KCNJ13: variants seen among roughly 807,000 people sequenced by gnomAD.
KCNJ13 encodes the protein inward rectifier potassium channel 13.
KCNJ13 carries 9 observed loss-of-function variants against 24.6 expected under a neutral mutation model. That is an observed-to-expected ratio of 0.37 (90% CI 0.22 to 0.64). The LOEUF (loss-of-function observed/expected upper bound fraction) is 0.64, where lower values mean the gene tolerates loss of function less well. Ranked by LOEUF, KCNJ13 falls within the 30% of genes least tolerant of loss-of-function variation. The pLI is 0.64. For missense variants in KCNJ13, 337 were observed against 443.8 expected, an observed-to-expected ratio of 0.76 and a Z score of 2.16; for synonymous variants, 148 against 154.7, an observed-to-expected ratio of 0.96 and a Z score of 0.32.
chr2:232,776,523 ATTT>A lies in KCNJ13; in HGVS notation c.-98_-96del. The A allele has an allele frequency of 9.5e-7, 1 of 1,055,628 alleles. No homozygotes were observed. Among genetic ancestry groups the A allele is most frequent in the Non-Finnish European group, 1.5e-6 (1 of 685,792 alleles). The allele number at this position is 1,055,628 out of a possible 1,614,324, so 65.4% of individuals were successfully genotyped here. On this transcript the variant is annotated 5_prime_UTR_variant, in exon 1 of 3. Transcript: ENST00000233826. ...CAGAGTCTGCCTTTTTGATCAGATA[ATTT>A]TAATCTACAAGTCTAGTTTGTAGGT...
At chr2:232,773,189 T>C (rs1189508713) in intron 1 of KCNJ13, among the ~76,000 whole-genome samples, 1 of 152,234 alleles carries the variant, frequency 6.6e-6, no homozygotes. Context: ...TTTCTTGGCA[T>C]AGCTACTTAA....
Position 232,776,539 on chromosome 2 carries a change from C to T in KCNJ13, c.-111G>A, listed in dbSNP as rs1699522623. The T allele has an allele frequency of 9.7e-6, 9 of 927,296 alleles. No homozygotes were observed. Among genetic ancestry groups the T allele is most frequent in the Admixed American group, 5.9e-5 (3 of 51,002 alleles). 57.4% of individuals were successfully genotyped at this position (927,296 alleles called of 1,614,324 possible). A position where few individuals can be genotyped will look rare whatever the true frequency, so the allele number is the denominator to read the frequency against. ...GATCAGATAATTTTAATCTACAAGTCTAGTTTGTAGGTTCTCTTCTTGGAC... is the reference window on the plus strand; with the variant it reads ...GATCAGATAATTTTAATCTACAAGTTTAGTTTGTAGGTTCTCTTCTTGGAC... On this transcript the variant is annotated 5_prime_UTR_variant, in exon 1 of 3. Coordinates refer to ENST00000233826, the MANE Select transcript of KCNJ13 (RefSeq NM_002242.4).
At chr2:232,775,850 C>T (rs1699489965) in intron 1 of KCNJ13, among the ~76,000 whole-genome samples, 1 of 152,140 alleles carries the variant, frequency 6.6e-6, no homozygotes, top group African/African-American at 2.4e-5. Context: ...TACTTTAAGA[C>T]TATATTGAAA....
chr2:232,771,961 A>T (rs1699274711), intron 1 of KCNJ13, among the ~76,000 whole-genome samples: 1 of 152,134 alleles, frequency 6.6e-6, no homozygotes, highest in Admixed American at 6.6e-5. Context: ...TATGCTTTAT[A>T]ATTAGCCTAT....
chr2:232,772,285 T>C (rs1280354639), intron 1 of KCNJ13, among the ~76,000 whole-genome samples: 5 of 152,134 alleles, frequency 3.3e-5, no homozygotes, highest in Admixed American at 1.3e-4. Context: ...ATTCTTTCTG[T>C]CCTGGATGAT....
intron 1 of KCNJ13, among the ~76,000 whole-genome samples, chr2:232,773,269 A>G (rs537297749): frequency 1.3e-5 from 2 of 152,324 alleles, no homozygotes; most frequent in African/African-American, 4.8e-5. Context: ...GGAAACAACA[A>G]AATCTTCATA....
At position 232,768,549 on chromosome 2, in the gene KCNJ13, G is replaced by A. The variant is rs776500156; in HGVS notation, c.725C>T (p.Thr242Met). ...TGATGGTGTAATGGAGTGATAGTAC[G>A]TTAGTGGAAAGATGAAGAATGGACA... ...DECPFFIFPL[T>M]YYHSITPSSP... Residue 242 changes from threonine to methionine, a missense_variant, in exon 3 of 3, where the codon ACG becomes ATG. Around this residue, in one of 3 missense-constraint regions of KCNJ13, gnomAD observed 235 missense variants for 286.9 expected, o/e 0.82. Transcript: ENST00000233826. 8.7e-6 allele frequency: 14 copies of A among 1,614,022 alleles called. No individual in the cohort carries two copies. Among genetic ancestry groups the A allele is most frequent in the East Asian group, 2.2e-5 (1 of 44,886 alleles).
At chr2:232,771,702 G>A (rs760412280) in intron 1 of KCNJ13, among the ~76,000 whole-genome samples, 17 of 152,158 alleles carry the variant, frequency 1.1e-4, no homozygotes, top group African/African-American at 2.4e-4. Context: ...GCACAAGTCC[G>A]GGTGTCAAGC....
intron 1 of KCNJ13, among the ~76,000 whole-genome samples, chr2:232,772,793 T>C (rs1387122354): frequency 2.0e-5 from 3 of 152,200 alleles, no homozygotes; most frequent in Admixed American, 6.5e-5. Flanking sequence ...GCATACCCAC[T>C]TCCTGCCTTT....
chr2:232,769,280 C>T (rs35428351), intron 2 of KCNJ13, among the ~76,000 whole-genome samples: 24,220 of 151,978 alleles, frequency 0.16, 2,045 homozygotes, highest in South Asian at 0.3. Flanking sequence ...CCTGTAATCC[C>T]GGCACTTTGG....
rs183766886 is a variant in KCNJ13 at position 232,771,094 on chromosome 2, T to C, written c.269A>G (p.Asp90Gly). 8.1e-6 allele frequency: 13 copies of C among 1,614,098 alleles called. No individual in the cohort carries two copies. Among genetic ancestry groups the C allele is most frequent in the Middle Eastern group, 1.6e-4 (1 of 6,062 alleles). ...EMNGDLELDH[D>G]APPENHTICV... ...GATAGTGTGGTTTTCAGGTGGGGCA[T>C]CATGATCTAGTTCCAGATCACCATT... Residue 90 changes from aspartate to glycine, a missense_variant, in exon 2 of 3, where the codon GAT becomes GGT. By Grantham distance (94) the Asp-to-Gly change is moderately conservative. Transcript: ENST00000233826.
At chr2:232,771,769 T>A (rs1699258975) in intron 1 of KCNJ13, among the ~76,000 whole-genome samples, 1 of 152,242 alleles carries the variant, frequency 6.6e-6, no homozygotes, top group South Asian at 2.1e-4. Context: ...AGTTAATTTA[T>A]AATTATGCAT....
chr2:232,772,380 C>T (rs1699303091), intron 1 of KCNJ13, among the ~76,000 whole-genome samples: 2 of 152,028 alleles, frequency 1.3e-5, no homozygotes, highest in African/African-American at 4.8e-5. Context: ...TAAGAAATTC[C>T]AGGAAGACAT....
chr2:232,770,728 A>T (rs113733422), intron 2 of KCNJ13, among the ~76,000 whole-genome samples, 175 bp downstream of exon 2: 78 of 151,048 alleles, frequency 5.2e-4, no homozygotes, highest in African/African-American at 1.7e-3. Context: ...CATTTCTCCT[A>T]TTTTTTTTGG....
In KCNJ13 at chr2:232,767,205, T is replaced by C. The variant is rs980971006; in HGVS notation, c.*986A>G. The C allele has an allele frequency of 1.3e-5, 2 of 152,208 alleles. No individual in the cohort carries two copies. The highest frequency in any genetic ancestry group is 2.9e-5 in the Non-Finnish European group (2 of 68,028). 9.4% of individuals were successfully genotyped at this position (152,208 alleles called of 1,614,324 possible). A position where few individuals can be genotyped will look rare whatever the true frequency, so the allele number is the denominator to read the frequency against. ...TGAAGTTGGAAACAGGAATTTGAGT[T>C]TGAAAATGCTTTGTTGCCTAATTAT... On this transcript the variant is annotated 3_prime_UTR_variant, in exon 3 of 3. Transcript: ENST00000233826.
intron 2 of KCNJ13, among the ~76,000 whole-genome samples, 179 bp from the exon 3 acceptor site, chr2:232,768,992 G>T (rs1699103183): frequency 1.3e-5 from 2 of 152,154 alleles, no homozygotes; most frequent in South Asian, 2.1e-4. Flanking sequence ...ATTTTTCAAA[G>T]TACATTTCTG....
rs140943145 is a variant in KCNJ13 at position 232,773,424 on chromosome 2, A to C, written c.-16-2046T>G. The stretch of plus-strand genomic sequence containing the variant: ...TACACAAGGCAAATAGGAGCTTTGG[A>C]TTATTTGGATGGTTATTCAAGTCTA... On this transcript the variant is annotated intron_variant, in intron 1 of 2. Coordinates refer to ENST00000233826, the MANE Select transcript of KCNJ13 (RefSeq NM_002242.4). Among the ~76,000 whole-genome samples the C allele has an allele frequency of 5.1e-3, 782 of 152,226 alleles. 12 individuals are homozygous for C. The highest frequency in any genetic ancestry group is 0.018 in the African/African-American group (761 of 41,548).
intron 1 of KCNJ13, among the ~76,000 whole-genome samples, chr2:232,775,959 T>A (rs1699494260): frequency 6.6e-6 from 1 of 152,224 alleles, no homozygotes; most frequent in South Asian, 2.1e-4. Context: ...AATTTCTCAG[T>A]TGCAGAAGTA....
chr2:232,768,367 A>G lies in KCNJ13; in HGVS notation c.907T>C (p.Leu303=), dbSNP rs374945617. 50 of 1,614,090 alleles carry G rather than the reference A, an allele frequency of 3.1e-5. No individual in the cohort carries two copies. Among genetic ancestry groups the G allele is most frequent in the Non-Finnish European group, 1.0e-5 (12 of 1,180,038 alleles). ...IMLHHCFASL[L]TRGSKGEYQI... The stretch of plus-strand genomic sequence containing the variant: ...TATTCACCTTTGGAACCTCGGGTCA[A>G]CAGAGATGCAAAACAGTGATGTAAC... Residue 303 remains leucine, a synonymous_variant, in exon 3 of 3, where the codon TTG becomes CTG. Coordinates refer to ENST00000233826, the MANE Select transcript of KCNJ13 (RefSeq NM_002242.4).
Sources: allele counts gnomAD v4.1 joint callset (sites outside exome capture counted in the v4.1 genomes callset), GRCh38; gene constraint gnomAD v4.1.1; regional missense constraint gnomAD v4.1.1; transcripts MANE v1.5; gene names NCBI Gene and HGNC (gene_info 2026-07-23, HGNC 2026-07-21).